The following BBS9 variants were observed in gnomAD, a reference collection of about 807,000 sequenced individuals.
The protein encoded by BBS9 is protein PTHB1.
A neutral mutation model predicts 117.7 loss-of-function variants in BBS9; 89 were observed. That is an observed-to-expected ratio of 0.76 (90% CI 0.64 to 0.90). The LOEUF (loss-of-function observed/expected upper bound fraction) is 0.90, where lower values mean the gene tolerates loss of function less well. BBS9 is among the 40% of genes least tolerant of loss of function. The pLI is 0.00. For missense variants in BBS9, 982 were observed against 1,042.2 expected (o/e 0.94, Z 0.80); for synonymous variants, 379 against 370.9 (o/e 1.02, Z -0.25).
intron 21 of BBS9, among the ~76,000 whole-genome samples, chr7:33,578,785 A>G (rs1049210183): frequency 3.3e-5 from 5 of 152,180 alleles, no homozygotes; most frequent in African/African-American, 1.2e-4. Context: ...AATCTATCCC[A>G]TATCAGTATA....
At chr7:33,634,527 G>A (rs1236186570) in intron 21 of BBS9, among the ~76,000 whole-genome samples, 5 of 152,182 alleles carry the variant, frequency 3.3e-5, no homozygotes, top group Non-Finnish European at 7.3e-5. Flanking sequence ...TCACATAAGA[G>A]CATTTCTAGA....
At chr7:33,167,631 C>T (rs1795904890) in intron 4 of BBS9, among the ~76,000 whole-genome samples, 1 of 151,936 alleles carries the variant, frequency 6.6e-6, no homozygotes, top group Admixed American at 6.6e-5. Context: ...GAACTCCTGA[C>T]CTTGTGATCC....
chr7:33,351,074 G>T (rs1032929233), intron 13 of BBS9, 145 bp from the exon 14 acceptor site: 2 of 618,070 alleles, frequency 3.2e-6, no homozygotes, highest in Admixed American at 2.7e-5. Context: ...AACCTCACAG[G>T]TTTGTTGTGA....
intron 19 of BBS9, among the ~76,000 whole-genome samples, chr7:33,451,086 C>G (rs761087866): frequency 2.6e-5 from 4 of 152,034 alleles, no homozygotes; most frequent in Admixed American, 1.3e-4. Flanking sequence ...GACGGGGTTT[C>G]ATCATGTTAG....
chr7:33,334,476 AATGCGGAACAG>A (rs1220533085), intron 9 of BBS9, among the ~76,000 whole-genome samples: 1 of 152,128 alleles, frequency 6.6e-6, no homozygotes, highest in Non-Finnish European at 1.5e-5. Context: ...GGCTAGCTAG[AATGCGGAACAG>A]ACTACAGTCA....
Position 33,434,324 on chromosome 7 carries a change from AT to A in BBS9, c.2115+46188del, listed in dbSNP as rs112832723. Among the ~76,000 whole-genome samples the A allele has an allele frequency of 3.5e-3, 525 of 151,466 alleles. 5 individuals are homozygous for A. Among genetic ancestry groups the A allele is most frequent in the African/African-American group, 0.012 (477 of 41,382 alleles). The stretch of plus-strand genomic sequence containing the variant: ...TTTTAGCTTATGTTGCTGTAAAGTC[AT>A]TTTTTTTATTTAATGTGTATCTGTC... On this transcript the variant is annotated intron_variant, in intron 19 of 22. Transcript: ENST00000242067.
At chr7:33,307,001 C>T (rs375017104) in intron 9 of BBS9, among the ~76,000 whole-genome samples, 1 of 152,132 alleles carries the variant, frequency 6.6e-6, no homozygotes. Flanking sequence ...TGTGAGGAAT[C>T]TTCTCAGCTA....
intron 5 of BBS9, among the ~76,000 whole-genome samples, chr7:33,198,306 C>T (rs1221777268): frequency 6.6e-6 from 1 of 151,836 alleles, no homozygotes; most frequent in Non-Finnish European, 1.5e-5. Flanking sequence ...TTTCATATGG[C>T]TTTTTTCAGC....
chr7:33,208,978 TA>T (rs1787498638), intron 5 of BBS9, among the ~76,000 whole-genome samples: 1 of 152,210 alleles, frequency 6.6e-6, no homozygotes, highest in South Asian at 2.1e-4. Context: ...TTTAGTTATT[TA>T]AAAATGTACA....
chr7:33,372,126 A>G (rs951210303), intron 17 of BBS9, among the ~76,000 whole-genome samples: 3 of 152,148 alleles, frequency 2.0e-5, no homozygotes, highest in African/African-American at 7.2e-5. Context: ...AGGGAAAAAA[A>G]AGGTAGTGGT....
At chr7:33,353,075 C>T (rs1047659827) in intron 15 of BBS9, among the ~76,000 whole-genome samples, 16 of 151,906 alleles carry the variant, frequency 1.1e-4, no homozygotes, top group African/African-American at 2.7e-4. Flanking sequence ...TTAGTTGTTT[C>T]GGAGTCATGA....
intron 21 of BBS9, among the ~76,000 whole-genome samples, chr7:33,626,304 A>G (rs1391919532): frequency 1.3e-5 from 2 of 152,200 alleles, no homozygotes; most frequent in Non-Finnish European, 2.9e-5. Flanking sequence ...CTGTGAAGTC[A>G]ATTAAACCTC....
chr7:33,223,683 C>CT (rs138070128), intron 5 of BBS9, among the ~76,000 whole-genome samples: 7,248 of 147,788 alleles, frequency 0.049, 235 homozygotes, highest in East Asian at 0.17. Flanking sequence ...TAAAATTTGT[C>CT]TTTTTTTTTT....
intron 5 of BBS9, among the ~76,000 whole-genome samples, chr7:33,206,808 A>G (rs1480189751): frequency 6.6e-6 from 1 of 152,142 alleles, no homozygotes; most frequent in Middle Eastern, 3.2e-3. Flanking sequence ...CATCTCAATG[A>G]TTACATTTCC....
chr7:33,448,336 T>C (rs1837294240), intron 19 of BBS9, among the ~76,000 whole-genome samples: 1 of 152,188 alleles, frequency 6.6e-6, no homozygotes, highest in Non-Finnish European at 1.5e-5. Context: ...ATCGTGTCTT[T>C]TCCTGTCTGT....
chr7:33,411,011 G>GTTTTTTTTTTTTTTTTTTTTTTTTT (rs765425062), intron 19 of BBS9, among the ~76,000 whole-genome samples: 3 of 96,424 alleles, frequency 3.1e-5, no homozygotes, highest in African/African-American at 1.0e-4. Flanking sequence ...AAATGTTGGT[G>GTTTTTTTTTTTTTTTTTTTTTTTTT]TTTTTTTTTT....
Position 33,175,177 on chromosome 7 carries a change from G to C in BBS9, c.329-2301G>C, listed in dbSNP as rs11981105. On this transcript the variant is annotated intron_variant, in intron 4 of 22. Transcript: ENST00000242067. Reference sequence around the variant, plus strand: ...AAATTAGCTGGGTGTGGTGGCAGGTGCCTGTAATCCCAGCTACTCAGGAGG... The same window carrying C: ...AAATTAGCTGGGTGTGGTGGCAGGTCCCTGTAATCCCAGCTACTCAGGAGG... Among the ~76,000 whole-genome samples the C allele has an allele frequency of 0.022, 3,289 of 152,126 alleles. 232 individuals carry two copies. The East Asian group carries it at 0.28, about 13-fold the overall frequency.
At chr7:33,214,401 T>C (rs1203159718) in intron 5 of BBS9, among the ~76,000 whole-genome samples, 1 of 152,234 alleles carries the variant, frequency 6.6e-6, no homozygotes, top group Non-Finnish European at 1.5e-5. Flanking sequence ...TTCAGTGACA[T>C]GAAGTTACTG....
intron 9 of BBS9, among the ~76,000 whole-genome samples, chr7:33,312,970 T>C (rs755556737): frequency 5.9e-5 from 9 of 151,990 alleles, no homozygotes; most frequent in Non-Finnish European, 1.2e-4. Context: ...GTATTCAATA[T>C]GTATTTTTTA....
Sources: allele counts gnomAD v4.1 joint callset (sites outside exome capture counted in the v4.1 genomes callset), GRCh38; gene constraint gnomAD v4.1.1; transcripts MANE v1.5; gene names NCBI Gene and HGNC (gene_info 2026-07-23, HGNC 2026-07-21).